Variants in FUT2 observed in about 807,000 individuals in gnomAD.
FUT2 encodes fucosyltransferase 2 (H blood group), also known as galactoside alpha-(1,2)-fucosyltransferase 2.
For missense variants in FUT2, 419 were observed against 465.8 expected, an observed-to-expected ratio of 0.90 and a Z score of 0.93; for synonymous variants, 182 against 193.1, an observed-to-expected ratio of 0.94 and a Z score of 0.48.
At position 48,700,110 on chromosome 19, in the gene FUT2, G is replaced by A. The variant is rs555750304; in HGVS notation, c.-2-2845G>A. Among the ~76,000 whole-genome samples, 53 of 136,860 alleles carry A rather than the reference G, an allele frequency of 3.9e-4. 1 individual carries two copies. The highest frequency in any genetic ancestry group is 0.01 in the Middle Eastern group (2 of 194). 89.8% of individuals were successfully genotyped at this position (136,860 alleles called of 152,430 possible). A position where few individuals can be genotyped will look rare whatever the true frequency, so the allele number is the denominator to read the frequency against. ...GGAGGTTGCAGTAAGCCAAGATGGC[G>A]CCACTGCACTCCAGCCTGGGTGACA... On this transcript the variant is annotated intron_variant, in intron 1 of 1. Transcript: ENST00000425340.
chr19:48,704,241 G>A lies in FUT2; in HGVS notation c.*253G>A. 1 of 521,576 alleles carries A rather than the reference G, an allele frequency of 1.9e-6. No individual in the cohort carries two copies. The highest frequency in any genetic ancestry group is 3.1e-5 in the Admixed American group (1 of 32,064). The allele number at this position is 521,576 out of a possible 1,614,324, so 32.3% of individuals were successfully genotyped here. A position where few individuals can be genotyped will look rare whatever the true frequency, so the allele number is the denominator to read the frequency against. On this transcript the variant is annotated 3_prime_UTR_variant, in exon 2 of 2. Transcript: ENST00000425340. ...GTTCAAGACTAGCCTGGCCAACATG[G>A]TGAAACCCCATCTCGACTAAAAATA...
At position 48,700,534 on chromosome 19, in the gene FUT2, T is replaced by C. The variant is rs576375229; in HGVS notation, c.-2-2421T>C. Among the ~76,000 whole-genome samples the C allele has an allele frequency of 2.8e-3, 432 of 152,024 alleles. 2 individuals are homozygous for C. The highest frequency in any genetic ancestry group is 3.0e-3 in the Admixed American group (46 of 15,252). On this transcript the variant is annotated intron_variant, in intron 1 of 1. Transcript: ENST00000425340. ...TTTTAGTAGAGACGGGGTTTCACCG[T>C]GTTAGCCAGGATGGTCTCGATCTCC...
At chr19:48,701,373 C>T (rs967700403) in intron 1 of FUT2, among the ~76,000 whole-genome samples, 7 of 151,900 alleles carry the variant, frequency 4.6e-5, no homozygotes, top group Admixed American at 1.3e-4. Flanking sequence ...GAGACAGGGC[C>T]TTGTCATGTT....
rs1568462232 is a variant in FUT2 at position 48,703,520 on chromosome 19, CGGGAGCCGGCCG to C, written c.567_578del (p.Ser190_Gly193del). ...AGTTCCTGCGGGGCCTGCAGGTGAA[CGGGAGCCGGCCG>C]GGCACCTTTGTAGGGGTCCATGTTC... On this transcript the variant is annotated inframe_deletion, in exon 2 of 2. Transcript: ENST00000425340. 3 of 1,612,992 alleles carry C rather than the reference CGGGAGCCGGCCG, an allele frequency of 1.9e-6. No individual in the cohort carries two copies. In the African/African-American group the frequency reaches 4.0e-5, roughly 22 times the overall value.
In FUT2 at chr19:48,704,772, A is replaced by C. The variant is rs2032605598; in HGVS notation, c.*784A>C. The C allele has an allele frequency of 1.2e-5, 5 of 413,494 alleles. No individual in the cohort carries two copies. The East Asian group carries it at 1.8e-4, about 15-fold the overall frequency. 25.6% of individuals were successfully genotyped at this position (413,494 alleles called of 1,614,324 possible). A position where few individuals can be genotyped will look rare whatever the true frequency, so the allele number is the denominator to read the frequency against. On this transcript the variant is annotated 3_prime_UTR_variant, in exon 2 of 2. Transcript: ENST00000425340. ...TTCCCCCCAACTCCGATGGGTAGGA[A>C]TTGTCACATACCCATGTGACCCGAT...
intron 1 of FUT2, among the ~76,000 whole-genome samples, chr19:48,700,424 T>A (rs1420065533): frequency 6.6e-6 from 1 of 151,760 alleles, no homozygotes; most frequent in African/African-American, 2.4e-5. Context: ...CCTCCCAGGT[T>A]CATGCCATTC....
At chr19:48,698,599 G>C (rs1246900200) in intron 1 of FUT2, among the ~76,000 whole-genome samples, 1 of 151,892 alleles carries the variant, frequency 6.6e-6, no homozygotes, top group African/African-American at 2.4e-5. Flanking sequence ...GTGCCACCAC[G>C]CCTGGCTAAT....
chr19:48,700,466 A>G (rs1357617390), intron 1 of FUT2, among the ~76,000 whole-genome samples: 1 of 151,676 alleles, frequency 6.6e-6, no homozygotes, highest in Non-Finnish European at 1.5e-5. Context: ...AGCTGGGACT[A>G]TAGGCGCCCA....
In FUT2 at chr19:48,704,064, G is replaced by A; in HGVS notation, c.*76G>A. 4 of 1,328,274 alleles carry A rather than the reference G, an allele frequency of 3.0e-6. No homozygotes were observed. Among genetic ancestry groups the A allele is most frequent in the South Asian group, 1.2e-5 (1 of 83,486 alleles). The allele number at this position is 1,328,274 out of a possible 1,614,324, so 82.3% of individuals were successfully genotyped here. On this transcript the variant is annotated 3_prime_UTR_variant, in exon 2 of 2. Coordinates refer to ENST00000425340, the MANE Select transcript of FUT2 (RefSeq NM_000511.6). The stretch of plus-strand genomic sequence containing the variant: ...GAGTGCCCGGGCATGAGAAGCACAT[G>A]GTTCCATGAGCAGGACCCATCTCTC...
rs1279841747 is a variant in FUT2 at position 48,703,892 on chromosome 19, C to T, written c.936C>T (p.Pro312=). 8.1e-6 allele frequency: 13 copies of T among 1,613,554 alleles called. No individual in the cohort carries two copies. Among genetic ancestry groups the T allele is most frequent in the South Asian group, 1.1e-5 (1 of 90,636 alleles). The change falls in exon 2 of 2, where the codon CCC becomes CCT. Residue 312 remains proline, a synonymous_variant. Coordinates refer to ENST00000425340, the MANE Select transcript of FUT2 (RefSeq NM_000511.6). ...TCTACCTGGCCAATTACACCCTCCCCGACTCCCCTTTCCTCAAAATCTTTA... is the reference window on the plus strand; with the variant it reads ...TCTACCTGGCCAATTACACCCTCCCTGACTCCCCTTTCCTCAAAATCTTTA... ...DTIYLANYTL[P]DSPFLKIFKP... is the part of the protein sequence containing the mutation.
rs140411756 is a variant in FUT2 at position 48,704,421 on chromosome 19, CAAAAAAAA to C, written c.*446_*453del. ...TGGGTGACACAGCAAGACTCCATCT[CAAAAAAAA>C]AAAAAAAAAAAAGAAAAGAAAAAGA... On this transcript the variant is annotated 3_prime_UTR_variant, in exon 2 of 2. Coordinates refer to ENST00000425340, the MANE Select transcript of FUT2 (RefSeq NM_000511.6). 13,911 of 109,352 alleles carry C rather than the reference CAAAAAAAA, an allele frequency of 0.13. 2,091 individuals carry two copies. The highest frequency in any genetic ancestry group is 0.45 in the African/African-American group (12,848 of 28,332). The allele number at this position is 109,352 out of a possible 1,614,324, so 6.8% of individuals were successfully genotyped here.
In FUT2 at chr19:48,703,881, TAC is replaced by T; in HGVS notation, c.928_929del (p.Thr310ProfsTer11). 3 of 1,613,608 alleles carry T rather than the reference TAC, an allele frequency of 1.9e-6. No homozygotes were observed. The highest frequency in any genetic ancestry group is 2.5e-6 in the Non-Finnish European group (3 of 1,180,022). On this transcript the variant is annotated frameshift_variant, in exon 2 of 2. Coordinates refer to ENST00000425340, the MANE Select transcript of FUT2 (RefSeq NM_000511.6). LOFTEE classifies it high-confidence loss of function. ...CGGAGACACCATCTACCTGGCCAAT[TAC>T]ACCCTCCCCGACTCCCCTTTCCTCA... ...TGGDTIYLAN[Y>X]TLPDSPFLKI...
intron 1 of FUT2, among the ~76,000 whole-genome samples, chr19:48,701,318 A>G (rs2122216681): frequency 6.6e-6 from 1 of 151,942 alleles, no homozygotes; most frequent in South Asian, 2.1e-4. Context: ...AGCTGGGATT[A>G]CGGGCGTCCG....
At chr19:48,697,086 C>T (rs1459856869) in intron 1 of FUT2, among the ~76,000 whole-genome samples, 2 of 152,038 alleles carry the variant, frequency 1.3e-5, no homozygotes, top group African/African-American at 2.4e-5. Flanking sequence ...TGGCTGACGC[C>T]TGTAATCCCA....
rs1286130371 is a variant in FUT2, at chr19:48,705,109, TTC to T, written c.*1123_*1124del. 1.1e-4 allele frequency: 24 copies of T among 227,752 alleles called. 1 individual carries two copies. The highest frequency in any genetic ancestry group is 2.2e-4 in the African/African-American group (8 of 35,646). 14.1% of individuals were successfully genotyped at this position (227,752 alleles called of 1,614,324 possible). The stretch of plus-strand genomic sequence containing the variant: ...CTCACTGTTTTCTTTTCTTTTTCTT[TTC>T]TTTTTTTTTTTTTTTTTGAGATGGA... On this transcript the variant is annotated 3_prime_UTR_variant, in exon 2 of 2. Transcript: ENST00000425340.
Position 48,703,420 on chromosome 19 carries a change from C to T in FUT2, c.464C>T (p.Thr155Ile), listed in dbSNP as rs970517029. The change falls in exon 2 of 2, where the codon ACC (threonine) becomes ATC (isoleucine). Residue 155 changes from threonine (T) to isoleucine (I), a missense_variant. Thr to Ile is a moderately conservative substitution (Grantham distance 89). Coordinates refer to ENST00000425340, the MANE Select transcript of FUT2 (RefSeq NM_000511.6). ...TTCACCGGCTACCCCTGCTCCTGGA[C>T]CTTCTACCACCACCTCCGCCAGGAG... Reference protein sequence around the residue: ...VRFTGYPCSWTFYHHLRQEIL... With the variant: ...VRFTGYPCSWIFYHHLRQEIL... 1.9e-6 allele frequency: 3 copies of T among 1,612,970 alleles called. No homozygotes were observed. Among genetic ancestry groups the T allele is most frequent in the Admixed American group, 1.7e-5 (1 of 60,014 alleles).
chr19:48,702,948 C>A lies in FUT2; in HGVS notation c.-2-7C>A. 1 of 1,613,050 alleles carries A rather than the reference C, an allele frequency of 6.2e-7. No individual in the cohort carries two copies. Among genetic ancestry groups the A allele is most frequent in the South Asian group, 1.1e-5 (1 of 90,568 alleles). ...AGCTAACGTGTCCCGTTTTCCTCCC[C>A]TGACAGCCATGCTGGTCGTTCAGAT... On this transcript the variant is annotated splice_region_variant and splice_polypyrimidine_tract_variant and intron_variant, in intron 1 of 1. Transcript: ENST00000425340.
chr19:48,704,942 G>A lies in FUT2; in HGVS notation c.*954G>A. On this transcript the variant is annotated 3_prime_UTR_variant, in exon 2 of 2. Transcript: ENST00000425340. ...GGTGAAAAGGGGAAATGGCTTTAGA[G>A]TAGACAACAGAGATGCCCTGAGGGG... The A allele has an allele frequency of 4.9e-6, 2 of 411,844 alleles. No individual in the cohort carries two copies. Among genetic ancestry groups the A allele is most frequent in the East Asian group, 7.1e-5 (2 of 28,042 alleles). 25.5% of individuals were successfully genotyped at this position (411,844 alleles called of 1,614,324 possible).
At position 48,704,060 on chromosome 19, in the gene FUT2, A is replaced by T; in HGVS notation, c.*72A>T. The T allele has an allele frequency of 7.3e-7, 1 of 1,367,124 alleles. No homozygotes were observed. The highest frequency in any genetic ancestry group is 1.0e-6 in the Non-Finnish European group (1 of 958,434). 84.7% of individuals were successfully genotyped at this position (1,367,124 alleles called of 1,614,324 possible). A position where few individuals can be genotyped will look rare whatever the true frequency, so the allele number is the denominator to read the frequency against. On this transcript the variant is annotated 3_prime_UTR_variant, in exon 2 of 2. Transcript: ENST00000425340. Reference sequence around the variant, plus strand: ...AGATGAGTGCCCGGGCATGAGAAGCACATGGTTCCATGAGCAGGACCCATC... The same window carrying T: ...AGATGAGTGCCCGGGCATGAGAAGCTCATGGTTCCATGAGCAGGACCCATC...
Sources: gnomAD v4.1 joint callset for allele counts (sites outside exome capture counted in the v4.1 genomes callset) on GRCh38, gnomAD v4.1.1 for gene constraint, MANE v1.5 for transcripts, NCBI Gene and HGNC (gene_info 2026-07-23, HGNC 2026-07-21) for gene names.